Variants in KLF8 observed in about 807,000 individuals in gnomAD.
KLF8 encodes KLF transcription factor 8, also known as Krueppel-like factor 8.
Under a neutral mutation model 18.2 loss-of-function variants are expected in KLF8, and 10 were observed. The observed-to-expected ratio is 0.55, with a 90% CI of 0.34 to 0.93. The LOEUF (loss-of-function observed/expected upper bound fraction) is 0.93, where lower values mean the gene tolerates loss of function less well. KLF8 is among the 40% of genes least tolerant of loss of function. The pLI, the probability that KLF8 is intolerant of heterozygous loss-of-function variation, is 0.02. For missense variants in KLF8, 264 were observed against 277.9 expected, an observed-to-expected ratio of 0.95 and a Z score of 0.36; for synonymous variants, 109 against 97.3, an observed-to-expected ratio of 1.12 and a Z score of -0.71.
At chrX:56,038,260 C>G in the KLF8 span, among the ~76,000 whole-genome samples, 2 of 111,523 alleles carry the variant, frequency 1.8e-5, no homozygotes, top group Non-Finnish European at 3.8e-5. Flanking sequence ...GCAGGATGTG[C>G]AGATCCGTTA....
At chrX:56,216,735 C>T in the KLF8 span, among the ~76,000 whole-genome samples, 3 of 109,851 alleles carry the variant, frequency 2.7e-5, no homozygotes, top group African/African-American at 1.0e-4. Flanking sequence ...CCTTTATCTC[C>T]AGCCAGCTAC....
the KLF8 span, among the ~76,000 whole-genome samples, chrX:56,004,945 C>T: frequency 9.0e-6 from 1 of 111,278 alleles, no homozygotes; most frequent in Non-Finnish European, 1.9e-5. Context: ...ATAAAAGCCA[C>T]CCACTTTGCT....
the KLF8 span, among the ~76,000 whole-genome samples, chrX:56,047,446 T>C: frequency 2.1e-5 from 2 of 93,696 alleles, no homozygotes; most frequent in African/African-American, 3.9e-5. Context: ...CCCCGGTGTG[T>C]GATGTTCCCC....
At chrX:56,039,335 A>C in the KLF8 span, among the ~76,000 whole-genome samples, 2 of 111,567 alleles carry the variant, frequency 1.8e-5, no homozygotes, top group African/African-American at 6.5e-5. Flanking sequence ...GAGTTATTAT[A>C]GTTTTGGGTT....
chrX:56,093,162 G>A, the KLF8 span, among the ~76,000 whole-genome samples: 3 of 111,154 alleles, frequency 2.7e-5, no homozygotes, highest in African/African-American at 3.3e-5. Flanking sequence ...TTTTCCAAAA[G>A]TAATAATAAA....
chrX:56,007,316 A>T, the KLF8 span, among the ~76,000 whole-genome samples: 1 of 110,897 alleles, frequency 9.0e-6, no homozygotes, highest in African/African-American at 3.3e-5. Context: ...CGTACTCTCA[A>T]AATGGCGCTG....
the KLF8 span, among the ~76,000 whole-genome samples, chrX:56,073,080 G>T: frequency 1.9e-5 from 2 of 106,977 alleles, no homozygotes; most frequent in South Asian, 4.1e-4. Context: ...TCCGCCTCCC[G>T]GGTTCACGCC....
the KLF8 span, among the ~76,000 whole-genome samples, chrX:56,113,142 G>A: frequency 1.1e-4 from 12 of 107,058 alleles, no homozygotes; most frequent in African/African-American, 4.1e-4. Context: ...AGGTTGCAGT[G>A]AGCAGAGATT....
At chrX:56,058,183 T>TATATATATACATATATATATACAC in the KLF8 span, among the ~76,000 whole-genome samples, 1 of 83,685 alleles carries the variant, frequency 1.2e-5, no homozygotes, top group African/African-American at 5.6e-5. Flanking sequence ...TATACACACA[T>TATATATATACATATATATATACAC]ATATATATAC....
the KLF8 span, among the ~76,000 whole-genome samples, chrX:56,143,601 C>A: frequency 8.9e-6 from 1 of 111,861 alleles, no homozygotes; most frequent in East Asian, 2.8e-4. Flanking sequence ...CCCACTTTCC[C>A]TTTCACATCC....
At chrX:56,222,758 C>A in the KLF8 span, among the ~76,000 whole-genome samples, 1 of 113,185 alleles carries the variant, frequency 8.8e-6, no homozygotes, top group Non-Finnish European at 1.9e-5. Flanking sequence ...GCAGCTAAGG[C>A]CGGGCGAGAA....
At chrX:56,200,709 A>G in the KLF8 span, among the ~76,000 whole-genome samples, 1 of 111,646 alleles carries the variant, frequency 9.0e-6, no homozygotes, top group East Asian at 2.8e-4. Flanking sequence ...TGCCAGCCAT[A>G]TATCTGATAA....
At chrX:56,013,678 T>A in the KLF8 span, among the ~76,000 whole-genome samples, 6 of 111,290 alleles carry the variant, frequency 5.4e-5, no homozygotes, top group Non-Finnish European at 1.1e-4. Flanking sequence ...TGAGATCTGA[T>A]GGTTTTCTAA....
intron 2 of KLF8, among the ~76,000 whole-genome samples, chrX:56,260,779 T>C (rs1336495672): frequency 3.6e-5 from 4 of 112,221 alleles, no homozygotes; most frequent in Admixed American, 9.4e-5. Context: ...GGCATAAAAC[T>C]AATTGGTTTA....
At chrX:56,184,680 C>G in the KLF8 span, among the ~76,000 whole-genome samples, 1 of 111,616 alleles carries the variant, frequency 9.0e-6, no homozygotes, top group African/African-American at 3.3e-5. Context: ...GACAAAATTT[C>G]CAGAGGAACG....
chrX:55,916,260 T>C, the KLF8 span, among the ~76,000 whole-genome samples: 4 of 111,973 alleles, frequency 3.6e-5, no homozygotes, highest in African/African-American at 9.7e-5. Context: ...GTACGAAATA[T>C]TATTTTGGCC....
At chrX:56,010,785 A>T in the KLF8 span, among the ~76,000 whole-genome samples, 1 of 112,152 alleles carries the variant, frequency 8.9e-6, no homozygotes, top group East Asian at 2.8e-4. Context: ...AGTAAATGAA[A>T]AGCAGATAGA....
chrX:56,176,903 G>A, the KLF8 span, among the ~76,000 whole-genome samples: 4 of 111,702 alleles, frequency 3.6e-5, no homozygotes, highest in African/African-American at 9.8e-5. Context: ...ATCAGCTACC[G>A]AGGCTTGTGC....
chrX:55,980,950 T>C, the KLF8 span, among the ~76,000 whole-genome samples: 3 of 112,415 alleles, frequency 2.7e-5, no homozygotes, highest in Non-Finnish European at 5.6e-5. Context: ...CCCAGCACTT[T>C]GGGAGGCCGA....
Sources: allele counts gnomAD v4.1 joint callset (sites outside exome capture counted in the v4.1 genomes callset), GRCh38; gene constraint gnomAD v4.1.1; transcripts MANE v1.5; gene names NCBI Gene and HGNC (gene_info 2026-07-23, HGNC 2026-07-21).